The following ZNF618 variants were observed in gnomAD, a reference collection of about 807,000 sequenced individuals.
ZNF618 encodes neural precursor cell expressed, developmentally down-regulated 10.
ZNF618 carries 34 observed loss-of-function variants against 103.0 expected under a neutral mutation model. The observed-to-expected ratio is 0.33, with a 90% CI of 0.25 to 0.44. ZNF618 has a LOEUF of 0.44. ZNF618 is among the 20% of genes least tolerant of loss of function. ZNF618 has a pLI of 1.00. For synonymous variants in ZNF618, 551 were observed against 542.2 expected, an observed-to-expected ratio of 1.02 and a Z score of -0.23; for missense variants, 1,059 against 1,295.4, an observed-to-expected ratio of 0.82 and a Z score of 2.80.
rs1846228167 is a variant in ZNF618 at position 114,053,052 on chromosome 9, C to T, written c.*2885C>T. On this transcript the variant is annotated 3_prime_UTR_variant, in exon 15 of 15. Transcript: ENST00000374126. ...ATAACAAGATAGCAGATGATTGTTT[C>T]TTGCAACCTCTGGTTCCCTCCGGAA... 1 of 152,430 alleles carries T rather than the reference C, an allele frequency of 6.6e-6. No homozygotes were observed. The highest frequency in any genetic ancestry group is 1.5e-5 in the Non-Finnish European group (1 of 68,054). The allele number at this position is 152,430 out of a possible 1,614,324, so 9.4% of individuals were successfully genotyped here.
Position 114,049,593 on chromosome 9 carries a change from A to G in ZNF618, c.2291A>G (p.Tyr764Cys). ...ACCCTGCAGCTGGTGCTGCCCACCT[A>G]CGTCAGGCTGGAGAAGCTGTTCACG... ...QPTLQLVLPTYVRLEKLFTAK... is the reference protein window; with the variant it reads ...QPTLQLVLPTCVRLEKLFTAK... The change falls in exon 15 of 15, where the codon TAC becomes TGC. Residue 764 changes from tyrosine (Y) to cysteine (C), a missense_variant. Tyr to Cys is a radical substitution (Grantham distance 194, BLOSUM62 -2). Coordinates refer to ENST00000374126, the MANE Select transcript of ZNF618 (RefSeq NM_001318042.2). 6.2e-7 allele frequency: 1 copy of G among 1,613,800 alleles called. No homozygotes were observed. Among genetic ancestry groups the G allele is most frequent in the Admixed American group, 1.7e-5 (1 of 60,022 alleles).
In ZNF618 at chr9:113,876,328, C is replaced by G. The variant is rs897979044; in HGVS notation, c.-53C>G. On this transcript the variant is annotated 5_prime_UTR_variant, in exon 1 of 15. Transcript: ENST00000374126. ...GGCGGCATTGTGCGCGCACCAGCAG[C>G]CCGGCCCGGGAGGAGCAGGACGCGC... 1.7e-6 allele frequency: 2 copies of G among 1,143,090 alleles called. No homozygotes were observed. The highest frequency in any genetic ancestry group is 3.3e-5 in the African/African-American group (2 of 60,430). The allele number at this position is 1,143,090 out of a possible 1,614,324, so 70.8% of individuals were successfully genotyped here.
rs941457553 is a variant in ZNF618 at position 113,991,870 on chromosome 9, C to T, written c.337+3290C>T. ...ATGTAGAAGCCCCAGTGACAAGGGACGTGTGGAGCTGCCATGGTGTAGCCC... is the reference window on the plus strand; with the variant it reads ...ATGTAGAAGCCCCAGTGACAAGGGATGTGTGGAGCTGCCATGGTGTAGCCC... On this transcript the variant is annotated intron_variant, in intron 3 of 14. Coordinates refer to ENST00000374126, the MANE Select transcript of ZNF618 (RefSeq NM_001318042.2). 5.9e-5 allele frequency among the ~76,000 whole-genome samples: 9 copies of T among 152,262 alleles called. No homozygotes were observed. In the East Asian group the frequency reaches 1.2e-3, roughly 20 times the overall value.
intron 1 of ZNF618, among the ~76,000 whole-genome samples, chr9:113,944,691 G>C (rs1834850392): frequency 6.6e-6 from 1 of 152,148 alleles, no homozygotes; most frequent in Non-Finnish European, 1.5e-5. Context: ...AAAAGACACA[G>C]GTGAAATTAA....
intron 1 of ZNF618, among the ~76,000 whole-genome samples, chr9:113,887,239 G>T (rs1232876938): frequency 6.6e-6 from 1 of 151,882 alleles, no homozygotes; most frequent in Non-Finnish European, 1.5e-5. Context: ...GTAAGTAGGT[G>T]GTTGAAATGG....
intron 1 of ZNF618, among the ~76,000 whole-genome samples, chr9:113,923,029 A>G (rs923402636): frequency 6.6e-6 from 1 of 152,038 alleles, no homozygotes; most frequent in African/African-American, 2.4e-5. Flanking sequence ...TTTGTTAAGT[A>G]TTTATACCTA....
At chr9:113,935,617 A>T (rs1436935318) in intron 1 of ZNF618, among the ~76,000 whole-genome samples, 2 of 152,192 alleles carry the variant, frequency 1.3e-5, no homozygotes, top group East Asian at 3.9e-4. Flanking sequence ...CTGAATAAAC[A>T]GTCCTCTTGG....
At chr9:113,952,516 C>T (rs1402292066) in intron 1 of ZNF618, among the ~76,000 whole-genome samples, 1 of 152,216 alleles carries the variant, frequency 6.6e-6, no homozygotes, top group Non-Finnish European at 1.5e-5. Context: ...TCTGACTCCT[C>T]ATAGTCCTCT....
At chr9:113,932,592 G>A (rs1331085313) in intron 1 of ZNF618, among the ~76,000 whole-genome samples, 2 of 152,160 alleles carry the variant, frequency 1.3e-5, no homozygotes, top group African/African-American at 2.4e-5. Flanking sequence ...AGAGTGAGGA[G>A]AGGCTACGTT....
intron 3 of ZNF618, among the ~76,000 whole-genome samples, chr9:113,997,024 G>A (rs1334116482): frequency 6.6e-6 from 1 of 152,046 alleles, no homozygotes; most frequent in Admixed American, 6.5e-5. Flanking sequence ...ATGGTGGACG[G>A]AAATGAGACC....
At chr9:113,925,668 T>A (rs202094630) in intron 1 of ZNF618, among the ~76,000 whole-genome samples, 1 of 152,106 alleles carries the variant, frequency 6.6e-6, no homozygotes, top group East Asian at 1.9e-4. Flanking sequence ...ATATCAATTA[T>A]TTTTTAAAAA....
chr9:114,008,588 G>A (rs201230209), intron 9 of ZNF618, 34 bp downstream of exon 9: 1 of 1,611,148 alleles, frequency 6.2e-7, no homozygotes, highest in Non-Finnish European at 8.5e-7. Context: ...CAAGGGCTGG[G>A]TGGGGGCTGG....
chr9:114,012,314 C>G (rs777923790), intron 9 of ZNF618, among the ~76,000 whole-genome samples: 1 of 152,142 alleles, frequency 6.6e-6, no homozygotes, highest in Non-Finnish European at 1.5e-5. Flanking sequence ...GGGCTCTCCT[C>G]CTGGCTTGCA....
intron 2 of ZNF618, among the ~76,000 whole-genome samples, chr9:113,979,461 C>T (rs924377216): frequency 3.9e-5 from 6 of 152,228 alleles, no homozygotes; most frequent in Non-Finnish European, 8.8e-5. Flanking sequence ...AAATAAGCTT[C>T]ACTTATTCAG....
intron 9 of ZNF618, among the ~76,000 whole-genome samples, chr9:114,010,531 C>T (rs1842145638): frequency 6.6e-6 from 1 of 151,930 alleles, no homozygotes; most frequent in African/African-American, 2.4e-5. Context: ...ATGGTGAAAC[C>T]CCATCTCCAC....
intron 1 of ZNF618, among the ~76,000 whole-genome samples, chr9:113,881,492 A>G (rs1396479188): frequency 6.6e-6 from 1 of 152,234 alleles, no homozygotes; most frequent in Non-Finnish European, 1.5e-5. Flanking sequence ...CAAGCCATCC[A>G]TATGAAAATT....
intron 1 of ZNF618, among the ~76,000 whole-genome samples, chr9:113,951,607 G>GTGTATA (rs758165574): frequency 1.5e-5 from 2 of 132,970 alleles, no homozygotes; most frequent in Non-Finnish European, 3.2e-5. Flanking sequence ...GTATATATAT[G>GTGTATA]TATATATATA....
chr9:114,049,039 T>C lies in ZNF618; in HGVS notation c.1737T>C (p.Tyr579=). ...CCGAGGGCAACCACATCAAGAGCTA[T>C]GTGCTTGGTGTGAAGGGTGCGGACA... The part of the protein sequence containing the change: ...YQAEGNHIKS[Y]VLGVKGADIR... The change falls in exon 15 of 15, where the codon TAT becomes TAC. Residue 579 remains tyrosine (Y), a synonymous_variant. Coordinates refer to ENST00000374126, the MANE Select transcript of ZNF618 (RefSeq NM_001318042.2). 2.5e-6 allele frequency: 4 copies of C among 1,613,704 alleles called. No homozygotes were observed. Among genetic ancestry groups the C allele is most frequent in the Non-Finnish European group, 2.5e-6 (3 of 1,179,700 alleles).
intron 1 of ZNF618, among the ~76,000 whole-genome samples, chr9:113,897,752 G>T (rs1239947266): frequency 1.3e-5 from 2 of 152,064 alleles, no homozygotes; most frequent in East Asian, 3.9e-4. Context: ...TGACAGTTCT[G>T]CCCTTTACTG....
Sources: gnomAD v4.1 joint callset for allele counts (sites outside exome capture counted in the v4.1 genomes callset) on GRCh38, gnomAD v4.1.1 for gene constraint, MANE v1.5 for transcripts, NCBI Gene and HGNC (gene_info 2026-07-23, HGNC 2026-07-21) for gene names.